The following ZMIZ1 variants were observed in gnomAD, a reference collection of about 807,000 sequenced individuals.
ZMIZ1 encodes zinc finger MIZ-type containing 1.
A neutral mutation model predicts 113.9 loss-of-function variants in ZMIZ1; 17 were observed. The observed-to-expected ratio is 0.15, with a 90% CI of 0.10 to 0.22. The LOEUF is 0.22. ZMIZ1 is among the 10% of genes least tolerant of loss of function. The probability of loss-of-function intolerance (pLI) is 1.00; values close to 1 mark genes in which losing one functional copy is unlikely to be tolerated. For synonymous variants in ZMIZ1, 607 were observed against 603.1 expected (o/e 1.01, Z -0.09); for missense variants, 1,059 against 1,477.8 (o/e 0.72, Z 4.65).
chr10:79,196,026 C>T (rs948419354), intron 4 of ZMIZ1, among the ~76,000 whole-genome samples: 3 of 152,154 alleles, frequency 2.0e-5, no homozygotes, highest in South Asian at 2.1e-4. Flanking sequence ...CCTCCCTCAG[C>T]GCACCCTTCC....
At chr10:79,176,585 T>G (rs1244867597) in intron 4 of ZMIZ1, among the ~76,000 whole-genome samples, 2 of 151,704 alleles carry the variant, frequency 1.3e-5, no homozygotes, top group South Asian at 2.1e-4. Context: ...TGAACACCCC[T>G]CTTGCAAGCA....
chr10:79,217,924 T>C (rs147523068), intron 7 of ZMIZ1, among the ~76,000 whole-genome samples: 12 of 152,338 alleles, frequency 7.9e-5, no homozygotes, highest in Admixed American at 5.9e-4. Context: ...GTCAATACAA[T>C]GTTGACAGGG....
intron 16 of ZMIZ1, among the ~76,000 whole-genome samples, chr10:79,299,906 T>C (rs1159222583): frequency 2.6e-5 from 4 of 152,168 alleles, no homozygotes; most frequent in Non-Finnish European, 1.5e-5. Context: ...CAGTCCTTCA[T>C]CCTCAGTCAA....
chr10:79,266,823 G>A (rs1256559168), intron 7 of ZMIZ1, among the ~76,000 whole-genome samples: 4 of 152,230 alleles, frequency 2.6e-5, no homozygotes, highest in Non-Finnish European at 4.4e-5. Flanking sequence ...CAGCCCCAGA[G>A]CCCCAGCCTC....
chr10:79,272,642 G>A (rs918358554), intron 7 of ZMIZ1, among the ~76,000 whole-genome samples: 1 of 152,266 alleles, frequency 6.6e-6, no homozygotes, highest in African/African-American at 2.4e-5. Context: ...TCAGCAGCCA[G>A]TTGTTGAATG....
chr10:79,219,049 G>A lies in ZMIZ1; in HGVS notation c.280+2775G>A, dbSNP rs376154478. On this transcript the variant is annotated intron_variant, in intron 7 of 24. Coordinates refer to ENST00000334512, the MANE Select transcript of ZMIZ1 (RefSeq NM_020338.4). ...GAACAGATTGCACGGGGGGTGGGGG[G>A]ACGTGGAGGCCTGCCTGGATGTAGG... Among the ~76,000 whole-genome samples the A allele has an allele frequency of 1.2e-4, 18 of 152,204 alleles. No homozygotes were observed. In the East Asian group the frequency reaches 2.3e-3, roughly 20 times the overall value.
intron 1 of ZMIZ1, among the ~76,000 whole-genome samples, chr10:79,100,802 G>T (rs1466197659): frequency 6.6e-6 from 1 of 152,196 alleles, no homozygotes; most frequent in East Asian, 1.9e-4. Flanking sequence ...GTCATCGGGG[G>T]CACTGGGTGC....
chr10:79,201,808 A>C, intron 5 of ZMIZ1, 116 bp downstream of exon 5: 1 of 1,120,936 alleles, frequency 8.9e-7, no homozygotes, highest in Non-Finnish European at 1.3e-6. Flanking sequence ...CCACCTACCT[A>C]TCGAGGCCGT....
intron 1 of ZMIZ1, among the ~76,000 whole-genome samples, chr10:79,070,524 A>C (rs1391292207): frequency 6.6e-6 from 1 of 152,036 alleles, no homozygotes; most frequent in Non-Finnish European, 1.5e-5. Flanking sequence ...GGAGCGCGCC[A>C]GGGCAGCCGG....
intron 15 of ZMIZ1, 120 bp from the exon 16 acceptor site, chr10:79,298,930 T>A: frequency 7.5e-7 from 1 of 1,341,914 alleles, no homozygotes; most frequent in South Asian, 1.5e-5. Context: ...TCTCTGGCCC[T>A]GTTTACACAC....
intron 4 of ZMIZ1, among the ~76,000 whole-genome samples, chr10:79,199,652 A>G (rs1390902737): frequency 6.6e-6 from 1 of 152,202 alleles, no homozygotes; most frequent in African/African-American, 2.4e-5. Flanking sequence ...TAGTGTGTGT[A>G]GATATTTGCT....
chr10:79,099,483 G>A (rs575318932), intron 1 of ZMIZ1, among the ~76,000 whole-genome samples: 2 of 152,344 alleles, frequency 1.3e-5, no homozygotes, highest in South Asian at 4.1e-4. Flanking sequence ...CCTCAGGAAA[G>A]AAGAAGCAAT....
intron 8 of ZMIZ1, among the ~76,000 whole-genome samples, chr10:79,283,348 T>A (rs757376334): frequency 1.3e-5 from 2 of 152,184 alleles, no homozygotes; most frequent in African/African-American, 4.8e-5. Context: ...CTTACCCTCC[T>A]TGTGCCTCGG....
intron 4 of ZMIZ1, among the ~76,000 whole-genome samples, chr10:79,181,313 G>A (rs1300250790): frequency 6.6e-6 from 1 of 152,202 alleles, no homozygotes; most frequent in African/African-American, 2.4e-5. Context: ...GCCTACAAAC[G>A]GGCTGCCTGC....
chr10:79,268,490 C>T (rs1190933806), intron 7 of ZMIZ1, among the ~76,000 whole-genome samples: 3 of 152,242 alleles, frequency 2.0e-5, no homozygotes, highest in Admixed American at 6.5e-5. Flanking sequence ...AGTGTCTGTC[C>T]TTCCTTCCCA....
intron 1 of ZMIZ1, among the ~76,000 whole-genome samples, chr10:79,085,988 C>T (rs1396912654): frequency 6.6e-6 from 1 of 152,188 alleles, no homozygotes; most frequent in Non-Finnish European, 1.5e-5. Context: ...CTGACCCTGA[C>T]GAGTCCTTGT....
At chr10:79,113,433 T>C (rs1202902161) in intron 1 of ZMIZ1, among the ~76,000 whole-genome samples, 1 of 152,048 alleles carries the variant, frequency 6.6e-6, no homozygotes, top group East Asian at 1.9e-4. Flanking sequence ...AACCCCAACC[T>C]CCTGCCCGTC....
chr10:79,120,078 A>G (rs112652692), intron 2 of ZMIZ1, among the ~76,000 whole-genome samples: 11 of 152,276 alleles, frequency 7.2e-5, no homozygotes, highest in African/African-American at 1.9e-4. Context: ...GGTGACCACA[A>G]GTGAGTTACA....
intron 7 of ZMIZ1, among the ~76,000 whole-genome samples, chr10:79,242,302 A>T (rs1159020758): frequency 4.6e-5 from 7 of 151,918 alleles, no homozygotes; most frequent in African/African-American, 1.7e-4. Context: ...GGCCGCGCGC[A>T]GCCGCCCCCG....
Sources: gnomAD v4.1 joint callset for allele counts (sites outside exome capture counted in the v4.1 genomes callset) on GRCh38, gnomAD v4.1.1 for gene constraint, MANE v1.5 for transcripts, NCBI Gene and HGNC (gene_info 2026-07-23, HGNC 2026-07-21) for gene names.